Variants in ZNF451 observed in about 807,000 individuals in gnomAD.
The protein encoded by ZNF451 is E3 SUMO-protein ligase ZNF451.
ZNF451 carries 80 observed loss-of-function variants against 107.1 expected under a neutral mutation model. That is an observed-to-expected ratio of 0.75 (90% CI 0.62 to 0.90). The LOEUF is 0.90. Among genes scored for constraint, ZNF451 ranks in the 40% least tolerant of loss-of-function variants. The pLI is 0.00. For synonymous variants in ZNF451, 362 were observed against 406.5 expected (o/e 0.89, Z 1.32); for missense variants, 1,107 against 1,236.2 (o/e 0.90, Z 1.57).
At chr6:57,130,655 T>A (rs2127964586) in intron 5 of ZNF451, among the ~76,000 whole-genome samples, 1 of 152,308 alleles carries the variant, frequency 6.6e-6, no homozygotes, top group East Asian at 1.9e-4. Flanking sequence ...AAGCTTAATA[T>A]CTGGCCTCCA....
At chr6:57,167,547 A>G (rs956780924) in intron 14 of ZNF451, among the ~76,000 whole-genome samples, 1 of 152,126 alleles carries the variant, frequency 6.6e-6, no homozygotes, top group African/African-American at 2.4e-5. Context: ...ATGCTAGTTT[A>G]TTGTACTTTA....
intron 9 of ZNF451, among the ~76,000 whole-genome samples, chr6:57,142,789 C>T (rs986318208): frequency 6.6e-6 from 1 of 152,088 alleles, no homozygotes; most frequent in Non-Finnish European, 1.5e-5. Context: ...CAAAGTTGGT[C>T]GTATTAGTTT....
intron 3 of ZNF451, among the ~76,000 whole-genome samples, chr6:57,120,210 CAG>C (rs1830573717): frequency 6.6e-6 from 1 of 152,128 alleles, no homozygotes. Context: ...ACTTAGTAAT[CAG>C]GTGCTTTTAA....
intron 2 of ZNF451, among the ~76,000 whole-genome samples, chr6:57,094,118 T>G (rs1829176609): frequency 6.6e-6 from 1 of 152,204 alleles, no homozygotes; most frequent in African/African-American, 2.4e-5. Context: ...AATTGGTGTT[T>G]TGGCTTAGAG....
rs775300875 is a variant in ZNF451, at chr6:57,099,046, CTTGA to C, written c.106-11_106-8del. On this transcript the variant is annotated splice_polypyrimidine_tract_variant and intron_variant, in intron 2 of 14. Transcript: ENST00000370706. Reference sequence around the variant, plus strand: ...TAACTGTTAATGACTTCTAAATTTGCTTGATTGTTTATAGGAAGGACCATTACGA... The same window carrying C: ...TAACTGTTAATGACTTCTAAATTTGCTTGTTTATAGGAAGGACCATTACGA... 6.2e-7 allele frequency: 1 copy of C among 1,608,548 alleles called. No homozygotes were observed. Among genetic ancestry groups the C allele is most frequent in the Non-Finnish European group, 8.5e-7 (1 of 1,175,340 alleles).
At chr6:57,111,436 A>C (rs543480703) in intron 3 of ZNF451, among the ~76,000 whole-genome samples, 97 of 149,974 alleles carry the variant, frequency 6.5e-4, no homozygotes, top group African/African-American at 2.1e-3. Context: ...GCTAGAGTGC[A>C]GTGGTGCGAT....
chr6:57,092,392 A>G (rs1414894264), intron 2 of ZNF451, among the ~76,000 whole-genome samples: 1 of 152,210 alleles, frequency 6.6e-6, no homozygotes, highest in Non-Finnish European at 1.5e-5. Context: ...AGAATGTACA[A>G]TCATTGAATA....
At chr6:57,137,318 A>G (rs1215474970) in intron 7 of ZNF451, among the ~76,000 whole-genome samples, 1 of 152,076 alleles carries the variant, frequency 6.6e-6, no homozygotes, top group African/African-American at 2.4e-5. Context: ...ATTATTCACA[A>G]TTTGCATTGT....
At chr6:57,142,749 A>G (rs1831835067) in intron 9 of ZNF451, among the ~76,000 whole-genome samples, 1 of 152,232 alleles carries the variant, frequency 6.6e-6, no homozygotes, top group Non-Finnish European at 1.5e-5. Flanking sequence ...GTAGGTTTAT[A>G]TTTAACTTTA....
At chr6:57,092,321 A>G (rs1248443749) in intron 2 of ZNF451, among the ~76,000 whole-genome samples, 1 of 152,202 alleles carries the variant, frequency 6.6e-6, no homozygotes, top group African/African-American at 2.4e-5. Flanking sequence ...TTTGGTTTAA[A>G]GGAGTCTTTA....
chr6:57,134,272 C>T (rs1043918527), intron 6 of ZNF451: 1 of 153,784 alleles, frequency 6.5e-6, no homozygotes, highest in African/African-American at 2.4e-5. Flanking sequence ...CTAAAGTGCT[C>T]CAGGCAGTTT....
chr6:57,166,859 G>A (rs771159215), intron 14 of ZNF451, among the ~76,000 whole-genome samples: 1 of 152,114 alleles, frequency 6.6e-6, no homozygotes, highest in Non-Finnish European at 1.5e-5. Flanking sequence ...AATTTTTCAG[G>A]TCTATTATAA....
intron 5 of ZNF451, among the ~76,000 whole-genome samples, chr6:57,131,024 A>G (rs1372345230): frequency 2.0e-5 from 3 of 152,176 alleles, no homozygotes. Flanking sequence ...AGATCCTTTA[A>G]GAGCATATAG....
At chr6:57,135,228 A>G (rs1831373287) in intron 7 of ZNF451, among the ~76,000 whole-genome samples, 1 of 152,200 alleles carries the variant, frequency 6.6e-6, no homozygotes, top group South Asian at 2.1e-4. Context: ...GCCATATAGT[A>G]AATGACAAGT....
chr6:57,133,102 CGTG>C lies in ZNF451; in HGVS notation c.487_489del (p.Trp163del). 1 of 1,614,108 alleles carries C rather than the reference CGTG, an allele frequency of 6.2e-7. No homozygotes were observed. Among genetic ancestry groups the C allele is most frequent in the Non-Finnish European group, 8.5e-7 (1 of 1,180,008 alleles). Reference sequence around the variant, plus strand: ...AGTTCATTCCGAAGAGGAGGCCACACGTGGGTGTCTGGGAAACCAATTTTATGT... The same window carrying C: ...AGTTCATTCCGAAGAGGAGGCCACACGGTGTCTGGGAAACCAATTTTATGT... On this transcript the variant is annotated inframe_deletion, in exon 6 of 15. Transcript: ENST00000370706.
At chr6:57,116,233 C>CTTGA (rs1040228758) in intron 3 of ZNF451, 3 of 152,150 alleles carry the variant, frequency 2.0e-5, no homozygotes, top group African/African-American at 7.2e-5. Flanking sequence ...AACCAGCTAC[C>CTTGA]TTGACCCCCA....
At chr6:57,155,617 G>A (rs778752176) in intron 13 of ZNF451, among the ~76,000 whole-genome samples, 39 of 152,018 alleles carry the variant, frequency 2.6e-4, no homozygotes, top group Non-Finnish European at 4.4e-4. Context: ...CTTCTCTTAT[G>A]CTTCTGCTTT....
At chr6:57,125,341 C>T (rs1348013237) in intron 4 of ZNF451, among the ~76,000 whole-genome samples, 1 of 152,058 alleles carries the variant, frequency 6.6e-6, no homozygotes, top group Non-Finnish European at 1.5e-5. Context: ...GAAATGAAGC[C>T]CATTTTTAGA....
intron 3 of ZNF451, chr6:57,100,817 CAG>C: frequency 6.5e-7 from 1 of 1,548,308 alleles, no homozygotes; most frequent in Non-Finnish European, 8.7e-7. Flanking sequence ...ATCTCTGAGA[CAG>C]AGACCCTTAA....
Sources: gnomAD v4.1 joint callset for allele counts (sites outside exome capture counted in the v4.1 genomes callset) on GRCh38, gnomAD v4.1.1 for gene constraint, MANE v1.5 for transcripts, NCBI Gene and HGNC (gene_info 2026-07-23, HGNC 2026-07-21) for gene names.